The following CDC16 variants were observed in gnomAD, a reference collection of about 807,000 sequenced individuals.
CDC16 encodes cell division cycle protein 16 homolog.
A neutral mutation model predicts 87.0 loss-of-function variants in CDC16; 34 were observed. The observed-to-expected ratio is 0.39, with a 90% confidence interval of 0.30 to 0.52. CDC16 has a LOEUF of 0.52. Among genes scored for constraint, CDC16 ranks in the 20% least tolerant of loss-of-function variants. The pLI, the probability that CDC16 is intolerant of heterozygous loss-of-function variation, is 0.74. For synonymous variants in CDC16, 263 were observed against 260.6 expected (o/e 1.01, Z -0.09); for missense variants, 653 against 751.9 (o/e 0.87, Z 1.54).
intron 11 of CDC16, among the ~76,000 whole-genome samples, chr13:114,248,145 T>G (rs913117666): frequency 6.6e-6 from 1 of 152,242 alleles, no homozygotes; most frequent in Non-Finnish European, 1.5e-5. Context: ...TGCAGCCTAG[T>G]GAAGCTATTT....
chr13:114,246,793 A>G (rs1594586288), intron 10 of CDC16, 138 bp from the exon 11 acceptor site: 1 of 655,106 alleles, frequency 1.5e-6, no homozygotes, highest in Non-Finnish European at 2.8e-6. Flanking sequence ...AGTAGACTGT[A>G]TTAGAGAAAT....
chr13:114,249,552 C>T (rs1326537641), intron 11 of CDC16, among the ~76,000 whole-genome samples: 1 of 152,096 alleles, frequency 6.6e-6, no homozygotes, highest in African/African-American at 2.4e-5. Flanking sequence ...CCTATGTCTT[C>T]CACGTTTTGT....
chr13:114,248,302 A>T (rs571840516), intron 11 of CDC16, among the ~76,000 whole-genome samples: 3 of 152,342 alleles, frequency 2.0e-5, no homozygotes, highest in Admixed American at 6.5e-5. Flanking sequence ...TTTGGAGTCA[A>T]ATTTGAATTC....
intron 17 of CDC16, 96 bp downstream of exon 17, chr13:114,265,336 A>T: frequency 1.3e-6 from 1 of 799,426 alleles, no homozygotes; most frequent in Non-Finnish European, 2.2e-6. Flanking sequence ...TGAGGTTCCA[A>T]GTTCATCTTT....
chr13:114,246,071 C>A, intron 10 of CDC16, 22 bp downstream of exon 10: 3 of 1,168,850 alleles, frequency 2.6e-6, no homozygotes, highest in African/African-American at 1.6e-5. Flanking sequence ...AACTTTTAGT[C>A]TTAGTTTTTT....
chr13:114,251,931 A>T (rs1461101022), intron 12 of CDC16, among the ~76,000 whole-genome samples: 2 of 151,910 alleles, frequency 1.3e-5, no homozygotes, highest in East Asian at 3.9e-4. Flanking sequence ...GCCCTGTTGG[A>T]TAAGAGCCCT....
intron 17 of CDC16, among the ~76,000 whole-genome samples, chr13:114,270,578 G>GGGT (rs199563564): frequency 0.024 from 3,712 of 152,326 alleles, 153 homozygotes; most frequent in African/African-American, 0.085. Flanking sequence ...AGTGGGCACA[G>GGGT]GGTCTTAAGG....
At chr13:114,264,990 C>T in intron 16 of CDC16, 160 bp from the exon 17 acceptor site, 1 of 607,528 alleles carries the variant, frequency 1.6e-6, no homozygotes. Flanking sequence ...CTCCATGACC[C>T]ATAACCAACT....
chr13:114,267,440 GCAGT>G, intron 17 of CDC16, among the ~76,000 whole-genome samples: 1 of 152,092 alleles, frequency 6.6e-6, no homozygotes, highest in East Asian at 1.9e-4. Flanking sequence ...GGCAGAGGTT[GCAGT>G]GAGCCAAGAT....
Position 114,239,350 on chromosome 13 carries a change from T to C in CDC16, c.241T>C (p.Tyr81His). 1 of 1,600,282 alleles carries C rather than the reference T, an allele frequency of 6.2e-7. No individual in the cohort carries two copies. The change falls in exon 5 of 18, where the codon TAT becomes CAT. Residue 81 changes from tyrosine to histidine, a missense_variant and splice_region_variant. Coordinates refer to ENST00000356221, the MANE Select transcript of CDC16 (RefSeq NM_001078645.3). ...AGCGGCACTTCTGTTTTCCACGTAG[T>C]ATGCTGCAAAAGAGCACCAGCAGGC... is the stretch of plus-strand genomic sequence containing the variant. ...ACRYLAARCHYAAKEHQQALD... is the reference protein window; with the variant it reads ...ACRYLAARCHHAAKEHQQALD...
intron 5 of CDC16, among the ~76,000 whole-genome samples, chr13:114,241,516 T>C (rs1296451355): frequency 2.0e-5 from 3 of 152,184 alleles, no homozygotes; most frequent in Non-Finnish European, 2.9e-5. Context: ...CACTCTGCCA[T>C]CTCTAAATCA....
Position 114,262,955 on chromosome 13 carries a change from A to G in CDC16, c.1453A>G (p.Ile485Val), listed in dbSNP as rs573714569. 1.7e-5 allele frequency: 27 copies of G among 1,612,844 alleles called. No individual in the cohort carries two copies. Among genetic ancestry groups the G allele is most frequent in the Admixed American group, 5.0e-5 (3 of 60,012 alleles). ...IPQNASTYSAIGYIHSLMGNF... is the reference protein window; with the variant it reads ...IPQNASTYSAVGYIHSLMGNF... The stretch of plus-strand genomic sequence containing the variant: ...TCAGAACGCATCCACCTACTCTGCT[A>G]TTGGATATATCCACAGTCTGATGGG... Residue 485 changes from isoleucine (I) to valine (V), a missense_variant, in exon 16 of 18, where the codon ATT becomes GTT. Coordinates refer to ENST00000356221, the MANE Select transcript of CDC16 (RefSeq NM_001078645.3).
chr13:114,266,448 A>G (rs1020458990), intron 17 of CDC16, among the ~76,000 whole-genome samples: 3 of 152,214 alleles, frequency 2.0e-5, no homozygotes, highest in Admixed American at 6.5e-5. Context: ...ACTGAGGCAC[A>G]TCACAGTTTA....
At chr13:114,239,290 G>T in intron 4 of CDC16, 60 bp from the exon 5 acceptor site, 2 of 1,546,862 alleles carry the variant, frequency 1.3e-6, no homozygotes, top group Non-Finnish European at 1.8e-6. Flanking sequence ...TAAAAATTCG[G>T]ATCATGTGTT....
chr13:114,260,735 C>T (rs1245571978), intron 14 of CDC16, among the ~76,000 whole-genome samples: 1 of 152,144 alleles, frequency 6.6e-6, no homozygotes, highest in African/African-American at 2.4e-5. Context: ...TTATTAGAAA[C>T]TGCAGCAAAT....
chr13:114,259,441 G>A, intron 14 of CDC16, 43 bp downstream of exon 14: 1 of 1,091,190 alleles, frequency 9.2e-7, no homozygotes, highest in Non-Finnish European at 1.3e-6. Flanking sequence ...ATACACCCCT[G>A]AGTGTTTACT....
At chr13:114,271,356 CATCTGTTCAG>C (rs2083640693) in intron 17 of CDC16, among the ~76,000 whole-genome samples, 2 of 152,212 alleles carry the variant, frequency 1.3e-5, no homozygotes, top group Non-Finnish European at 2.9e-5. Flanking sequence ...GTACCTAATA[CATCTGTTCAG>C]ATCTGTTCAA....
rs17337919 is a variant in CDC16, at chr13:114,242,135, C to T, written c.396C>T (p.Ile132=). 4.4e-3 allele frequency: 7,078 copies of T among 1,606,358 alleles called. 278 individuals carry two copies. In the African/African-American group the frequency reaches 0.085, roughly 19 times the overall value. ...TTTTCCAACAGATAAAGAGTTCTAT[C>T]TGTCTTCTACGCGGGAAAATCTATG... ...EMSQSSIKSS[I]CLLRGKIYDA... Residue 132 remains isoleucine (I), a synonymous_variant, in exon 6 of 18, where the codon ATC becomes ATT. Transcript: ENST00000356221.
rs1157178666 is a variant in CDC16, at chr13:114,243,985, T to C, written c.763T>C (p.Ser255Pro). ...TTTTAAAATGTGCTACAAGCTTACT[T>C]CTGTGTAAGTATATCCATCCATTTT... ...CDFKMCYKLT[S>P]VVMEKDPFHA... is the part of the protein sequence containing the mutation. Residue 255 changes from serine to proline, a missense_variant, in exon 8 of 18, where the codon TCT becomes CCT. Ser to Pro is a moderately conservative substitution (Grantham distance 74). Coordinates refer to ENST00000356221, the MANE Select transcript of CDC16 (RefSeq NM_001078645.3). 6.2e-7 allele frequency: 1 copy of C among 1,606,958 alleles called. No individual in the cohort carries two copies. Among genetic ancestry groups the C allele is most frequent in the Non-Finnish European group, 8.5e-7 (1 of 1,174,382 alleles).
Sources: gnomAD v4.1 joint callset for allele counts (sites outside exome capture counted in the v4.1 genomes callset) on GRCh38, gnomAD v4.1.1 for gene constraint, MANE v1.5 for transcripts, NCBI Gene and HGNC (gene_info 2026-07-23, HGNC 2026-07-21) for gene names.